Variants in CCM2L observed in about 807,000 individuals in gnomAD.
CCM2L encodes CCM2 like scaffold protein, also known as cerebral cavernous malformations 2 protein-like.
A neutral mutation model predicts 54.1 loss-of-function variants in CCM2L; 36 were observed. The ratio of observed to expected loss-of-function variants is 0.67; its 90% CI spans 0.51 to 0.88. The LOEUF is 0.88. Among genes scored for constraint, CCM2L ranks in the 40% least tolerant of loss-of-function variants. CCM2L has a pLI of 0.00. For missense variants in CCM2L, 700 were observed against 812.1 expected, an observed-to-expected ratio of 0.86 and a Z score of 1.68; for synonymous variants, 351 against 359.3, an observed-to-expected ratio of 0.98 and a Z score of 0.26.
chr20:32,011,422 T>C (rs2064694738), intron 1 of CCM2L, among the ~76,000 whole-genome samples: 1 of 152,018 alleles, frequency 6.6e-6, no homozygotes, highest in African/African-American at 2.4e-5. Context: ...CAGGCCAACA[T>C]GGCGAAACCC....
chr20:32,019,486 C>G, intron 5 of CCM2L, 77 bp downstream of exon 5: 1 of 1,107,368 alleles, frequency 9.0e-7, no homozygotes. Flanking sequence ...GCCCCCGCCC[C>G]ACCCACCAGG....
At chr20:32,028,219 C>G (rs2064881235) in intron 7 of CCM2L, 1 of 152,182 alleles carries the variant, frequency 6.6e-6, no homozygotes, top group South Asian at 2.1e-4. Flanking sequence ...GGGCAGATTG[C>G]TTGAGGTGAG....
chr20:32,025,577 T>G (rs930790065), intron 6 of CCM2L, among the ~76,000 whole-genome samples: 1 of 152,218 alleles, frequency 6.6e-6, no homozygotes, highest in Non-Finnish European at 1.5e-5. Context: ...TCTTTTTTTT[T>G]GTCTTGCCTG....
intron 6 of CCM2L, among the ~76,000 whole-genome samples, chr20:32,024,930 T>C (rs2064839956): frequency 6.6e-6 from 1 of 152,228 alleles, no homozygotes; most frequent in South Asian, 2.1e-4. Context: ...TCAGAAATGG[T>C]AGGGCTAATA....
chr20:32,010,549 C>CA, intron 1 of CCM2L, 65 bp downstream of exon 1: 2 of 168,956 alleles, frequency 1.2e-5, no homozygotes, highest in Admixed American at 9.9e-5. Context: ...AGGGGGCAAA[C>CA]TGGGGCGGGG....
intron 6 of CCM2L, among the ~76,000 whole-genome samples, chr20:32,025,463 G>A (rs1325823545): frequency 6.6e-6 from 1 of 151,932 alleles, no homozygotes; most frequent in African/African-American, 2.4e-5. Context: ...AAATAAGGTC[G>A]CTCTATGTTG....
intron 2 of CCM2L, among the ~76,000 whole-genome samples, chr20:32,015,612 A>C (rs1350265064): frequency 6.6e-6 from 1 of 152,172 alleles, no homozygotes; most frequent in Non-Finnish European, 1.5e-5. Flanking sequence ...GTGTGTGTGT[A>C]AGGTTGTGAT....
chr20:32,031,467 C>A lies in CCM2L; in HGVS notation c.*153C>A. 1 of 525,242 alleles carries A rather than the reference C, an allele frequency of 1.9e-6. No individual in the cohort carries two copies. The highest frequency in any genetic ancestry group is 2.9e-6 in the Non-Finnish European group (1 of 339,642). 32.5% of individuals were successfully genotyped at this position (525,242 alleles called of 1,614,324 possible). A position where few individuals can be genotyped will look rare whatever the true frequency, so the allele number is the denominator to read the frequency against. On this transcript the variant is annotated 3_prime_UTR_variant, in exon 10 of 10. Coordinates refer to ENST00000452892, the MANE Select transcript of CCM2L (RefSeq NM_001365692.1). ...GCTCCCTGCCCTTGGGGCCCGGGGCCATGCAGTACCTGGAGTGTCCTGCAG... is the reference window on the plus strand; with the variant it reads ...GCTCCCTGCCCTTGGGGCCCGGGGCAATGCAGTACCTGGAGTGTCCTGCAG...
intron 1 of CCM2L, 74 bp downstream of exon 1, chr20:32,010,558 G>T: frequency 1.8e-6 from 2 of 1,106,538 alleles, no homozygotes; most frequent in South Asian, 1.4e-5. Flanking sequence ...ACTGGGGCGG[G>T]GTGGGGGGTC....
chr20:32,018,948 G>A lies in CCM2L; in HGVS notation c.472G>A (p.Gly158Ser). 14 of 1,396,980 alleles carry A rather than the reference G, an allele frequency of 1.0e-5. No homozygotes were observed. The highest frequency in any genetic ancestry group is 1.3e-5 in the Non-Finnish European group (14 of 1,079,376). 86.5% of individuals were successfully genotyped at this position (1,396,980 alleles called of 1,614,324 possible). A position where few individuals can be genotyped will look rare whatever the true frequency, so the allele number is the denominator to read the frequency against. Reference sequence around the variant, plus strand: ...GGTCCCCCGGACTCTCCTAGGTCTGGGTGTGGACCCGGTGCCGGCCGGCGT... The same window carrying A: ...GGTCCCCCGGACTCTCCTAGGTCTGAGTGTGGACCCGGTGCCGGCCGGCGT... Reference protein sequence around the residue: ...LHLLVLKTGLGVDPVPAGVDA... With the variant: ...LHLLVLKTGLSVDPVPAGVDA... Residue 158 changes from glycine (G) to serine (S), a missense_variant, in exon 5 of 10, where the codon GGT becomes AGT. By Grantham distance (56) the Gly-to-Ser change is moderately conservative (BLOSUM62 0). Coordinates refer to ENST00000452892, the MANE Select transcript of CCM2L (RefSeq NM_001365692.1).
intron 1 of CCM2L, among the ~76,000 whole-genome samples, chr20:32,014,524 C>T (rs2064721998): frequency 1.3e-5 from 2 of 152,142 alleles, no homozygotes; most frequent in South Asian, 4.1e-4. Context: ...CCTTGGCCTC[C>T]CAAAGTGCTG....
intron 7 of CCM2L, chr20:32,028,758 C>T: frequency 5.6e-6 from 3 of 536,712 alleles, no homozygotes; most frequent in Middle Eastern, 1.0e-3. Context: ...GTGCAAACAC[C>T]CAGAGGTGAG....
intron 1 of CCM2L, among the ~76,000 whole-genome samples, chr20:32,012,657 T>C (rs1038875670): frequency 6.6e-6 from 1 of 152,142 alleles, no homozygotes; most frequent in Non-Finnish European, 1.5e-5. Context: ...CCAACTGTAC[T>C]GAATCAAAAC....
At position 32,017,796 on chromosome 20, in the gene CCM2L, C is replaced by T; in HGVS notation, c.199-4C>T. On this transcript the variant is annotated splice_region_variant and splice_polypyrimidine_tract_variant and intron_variant, in intron 2 of 9. Transcript: ENST00000452892. The stretch of plus-strand genomic sequence containing the variant: ...GTCCTTCTCTCACCCCGATTTCCAT[C>T]CAGTTCCTGGGCCACCTTACCTGGG... 1 of 1,614,002 alleles carries T rather than the reference C, an allele frequency of 6.2e-7. No homozygotes were observed. Among genetic ancestry groups the T allele is most frequent in the South Asian group, 1.1e-5 (1 of 91,088 alleles).
intron 5 of CCM2L, among the ~76,000 whole-genome samples, chr20:32,020,628 G>T (rs759618295): frequency 6.6e-6 from 1 of 152,158 alleles, no homozygotes; most frequent in Non-Finnish European, 1.5e-5. Context: ...CTTGCTGTGG[G>T]CCTTGGCTGG....
chr20:32,019,006 C>A lies in CCM2L; in HGVS notation c.530C>A (p.Pro177His). ...AGCCCAGGCGGCGCAGGACGCGACC[C>A]CGGCCCGCCAGGCGGGGCGCCCGAG... ...DASPGGAGRDPGPPGGAPEKR... is the reference protein window; with the variant it reads ...DASPGGAGRDHGPPGGAPEKR... Residue 177 changes from proline (P) to histidine (H), a missense_variant, in exon 5 of 10, where the codon CCC becomes CAC. Transcript: ENST00000452892. The A allele has an allele frequency of 7.4e-7, 1 of 1,345,238 alleles. No homozygotes were observed. Among genetic ancestry groups the A allele is most frequent in the Non-Finnish European group, 9.5e-7 (1 of 1,056,076 alleles). The allele number at this position is 1,345,238 out of a possible 1,614,324, so 83.3% of individuals were successfully genotyped here. A position where few individuals can be genotyped will look rare whatever the true frequency, so the allele number is the denominator to read the frequency against.
At chr20:32,017,678 G>A in intron 2 of CCM2L, 122 bp from the exon 3 acceptor site, 1 of 825,334 alleles carries the variant, frequency 1.2e-6, no homozygotes, top group Non-Finnish European at 2.1e-6. Context: ...GTTATTATCA[G>A]GTATATTAAT....
intron 1 of CCM2L, among the ~76,000 whole-genome samples, chr20:32,011,383 T>C (rs1368223393): frequency 6.6e-6 from 1 of 152,080 alleles, no homozygotes; most frequent in Admixed American, 6.5e-5. Flanking sequence ...GGCGGGTGGA[T>C]CACCTGAGGT....
At chr20:32,015,856 C>CTTTTTTTT (rs1275720098) in intron 2 of CCM2L, among the ~76,000 whole-genome samples, 3 of 95,156 alleles carry the variant, frequency 3.2e-5, no homozygotes, top group South Asian at 5.7e-4. Flanking sequence ...AGGAGCTGTA[C>CTTTTTTTT]TTCTTTTTTT....
Sources: gnomAD v4.1 joint callset for allele counts (sites outside exome capture counted in the v4.1 genomes callset) on GRCh38, gnomAD v4.1.1 for gene constraint, MANE v1.5 for transcripts, NCBI Gene and HGNC (gene_info 2026-07-23, HGNC 2026-07-21) for gene names.